The following CNBD1 variants were observed in gnomAD, a reference collection of about 807,000 sequenced individuals.
CNBD1 encodes cyclic nucleotide binding domain containing 1.
A neutral mutation model predicts 54.4 loss-of-function variants in CNBD1; 71 were observed. That is an observed-to-expected ratio of 1.30 (90% CI 1.08 to 1.59). CNBD1 has a LOEUF of 1.59. CNBD1 is among the 40% of genes most tolerant of loss of function. The probability of loss-of-function intolerance (pLI) is 0.00; values close to 1 mark genes in which losing one functional copy is unlikely to be tolerated. For missense variants in CNBD1, 659 were observed against 518.0 expected, an observed-to-expected ratio of 1.27 and a Z score of -2.64; for synonymous variants, 182 against 170.7, an observed-to-expected ratio of 1.07 and a Z score of -0.51.
chr8:87,370,318 G>C (rs988833842), intron 10 of CNBD1, among the ~76,000 whole-genome samples: 1 of 152,116 alleles, frequency 6.6e-6, no homozygotes, highest in African/African-American at 2.4e-5. Flanking sequence ...CTTCCATAAT[G>C]GTTGAATTAG....
At chr8:86,877,340 T>C (rs1390176965) in intron 1 of CNBD1, among the ~76,000 whole-genome samples, 3 of 152,168 alleles carry the variant, frequency 2.0e-5, no homozygotes, top group Admixed American at 1.3e-4. Context: ...TTAGTACATT[T>C]TGCATCCTAT....
chr8:87,079,048 A>ATT (rs35506402), intron 4 of CNBD1, among the ~76,000 whole-genome samples: 82 of 148,756 alleles, frequency 5.5e-4, no homozygotes, highest in African/African-American at 1.2e-3. Context: ...GAAACTACCA[A>ATT]TTTTTTTTTT....
intron 4 of CNBD1, among the ~76,000 whole-genome samples, chr8:86,945,162 A>G (rs1369309013): frequency 6.6e-6 from 1 of 152,170 alleles, no homozygotes; most frequent in Non-Finnish European, 1.5e-5. Context: ...AAAAAAAGTT[A>G]TGTTTGTATG....
chr8:87,047,352 G>A (rs772962770), intron 4 of CNBD1, among the ~76,000 whole-genome samples: 1 of 152,124 alleles, frequency 6.6e-6, no homozygotes, highest in Non-Finnish European at 1.5e-5. Flanking sequence ...GGGAACCCCA[G>A]GACTATGAGT....
At chr8:87,107,126 C>G (rs116218780) in intron 4 of CNBD1, among the ~76,000 whole-genome samples, 2,083 of 152,252 alleles carry the variant, frequency 0.014, 51 homozygotes, top group African/African-American at 0.046. Flanking sequence ...CCGCACCCGG[C>G]CTGTTTTTAT....
chr8:87,025,169 A>G (rs1364231255), intron 4 of CNBD1, among the ~76,000 whole-genome samples: 7 of 143,530 alleles, frequency 4.9e-5, no homozygotes, highest in African/African-American at 2.1e-4. Context: ...CGCACCAATC[A>G]GCACTCCGTA....
chr8:87,282,630 G>A (rs1032220532), intron 6 of CNBD1, among the ~76,000 whole-genome samples: 2 of 151,704 alleles, frequency 1.3e-5, no homozygotes, highest in African/African-American at 4.8e-5. Context: ...AAGGCGTATT[G>A]GAAGTTTTAT....
At chr8:87,411,016 G>A (rs773717793) in intron 2 of CNBD1, among the ~76,000 whole-genome samples, 1 of 151,972 alleles carries the variant, frequency 6.6e-6, no homozygotes, top group Non-Finnish European at 1.5e-5. Context: ...ATACACTGCA[G>A]TATTGTTTAA....
At chr8:87,262,378 A>G (rs568971869) in intron 6 of CNBD1, among the ~76,000 whole-genome samples, 3 of 152,226 alleles carry the variant, frequency 2.0e-5, no homozygotes, top group African/African-American at 7.2e-5. Context: ...CTGAACTAAG[A>G]GATGCAGAGT....
At chr8:87,414,477 C>A (rs1182426981) in intron 2 of CNBD1, among the ~76,000 whole-genome samples, 10 of 151,978 alleles carry the variant, frequency 6.6e-5, no homozygotes, top group Non-Finnish European at 1.3e-4. Context: ...ACATATGTAA[C>A]AAACCTGCAC....
intron 4 of CNBD1, among the ~76,000 whole-genome samples, chr8:87,057,891 C>T (rs554373782): frequency 1.2e-4 from 19 of 152,094 alleles, no homozygotes; most frequent in Admixed American, 3.3e-4. Flanking sequence ...ACAATCGTGC[C>T]TTCCCAAAAG....
intron 4 of CNBD1, among the ~76,000 whole-genome samples, chr8:87,041,594 C>T (rs906216110): frequency 1.3e-5 from 2 of 152,028 alleles, no homozygotes; most frequent in East Asian, 1.9e-4. Context: ...GTCAGGAGAT[C>T]GAGACCATCC....
chr8:87,112,860 T>G (rs146040477), intron 4 of CNBD1, among the ~76,000 whole-genome samples: 127 of 152,222 alleles, frequency 8.3e-4, no homozygotes, highest in African/African-American at 2.8e-3. Flanking sequence ...GCACTAGCTG[T>G]CTTATGTCAG....
intron 4 of CNBD1, among the ~76,000 whole-genome samples, chr8:87,001,351 T>C (rs1808988750): frequency 6.6e-6 from 1 of 152,156 alleles, no homozygotes; most frequent in African/African-American, 2.4e-5. Context: ...ATTTTCTTCC[T>C]GGTTGAATTA....
At chr8:87,354,102 A>G (rs1187927386) in intron 10 of CNBD1, among the ~76,000 whole-genome samples, 1 of 152,058 alleles carries the variant, frequency 6.6e-6, no homozygotes, top group Non-Finnish European at 1.5e-5. Context: ...CCTGAACTGA[A>G]GTTGGAGAAC....
At chr8:87,088,505 G>GT (rs777950524) in intron 4 of CNBD1, among the ~76,000 whole-genome samples, 38 of 152,058 alleles carry the variant, frequency 2.5e-4, no homozygotes, top group Admixed American at 6.6e-5. Context: ...AGTAGTGCTT[G>GT]TTTTTAAAAT....
At chr8:86,882,408 A>G (rs1288907902) in intron 1 of CNBD1, among the ~76,000 whole-genome samples, 1 of 152,224 alleles carries the variant, frequency 6.6e-6, no homozygotes, top group East Asian at 1.9e-4. Context: ...GTGGCCAACA[A>G]TCATATGGAA....
At chr8:87,371,050 T>G (rs1362856390) in intron 10 of CNBD1, among the ~76,000 whole-genome samples, 1 of 150,594 alleles carries the variant, frequency 6.6e-6, no homozygotes, top group Non-Finnish European at 1.5e-5. Context: ...ATATGCGGCG[T>G]TATTTCTGAG....
At position 87,377,597 on chromosome 8, in the gene CNBD1, A is replaced by C. The variant is rs557575861; in HGVS notation, c.1304-5023A>C. On this transcript the variant is annotated intron_variant, in intron 10 of 10. Transcript: ENST00000518476. ...TTCCAAGTCTTTGCTATCGTGAATAATGCCGCAATAAACATACGTGTGCAT... is the reference window on the plus strand; with the variant it reads ...TTCCAAGTCTTTGCTATCGTGAATACTGCCGCAATAAACATACGTGTGCAT... 4.7e-3 allele frequency among the ~76,000 whole-genome samples: 714 copies of C among 151,492 alleles called. 3 individuals are homozygous for C. Among genetic ancestry groups the C allele is most frequent in the Non-Finnish European group, 8.0e-3 (543 of 67,880 alleles).
Sources: allele counts gnomAD v4.1 joint callset (sites outside exome capture counted in the v4.1 genomes callset), GRCh38; gene constraint gnomAD v4.1.1; transcripts MANE v1.5; gene names NCBI Gene and HGNC (gene_info 2026-07-23, HGNC 2026-07-21).